Variants in ZGRF1 observed in about 807,000 individuals in gnomAD.
ZGRF1 encodes zinc finger GRF-type containing 1.
Under a neutral mutation model 203.5 loss-of-function variants are expected in ZGRF1, and 196 were observed. The ratio of observed to expected loss-of-function variants is 0.96; its 90% CI spans 0.86 to 1.08. ZGRF1 has a LOEUF of 1.08. ZGRF1 is among the 50% of genes least tolerant of loss of function. The pLI, the probability that ZGRF1 is intolerant of heterozygous loss-of-function variation, is 0.00. For missense variants in ZGRF1, 2,326 were observed against 2,416.3 expected (o/e 0.96, Z 0.78); for synonymous variants, 809 against 841.3 (o/e 0.96, Z 0.66).
intron 22 of ZGRF1, among the ~76,000 whole-genome samples, chr4:112,550,747 G>C (rs1044307602): frequency 6.6e-6 from 1 of 152,140 alleles, no homozygotes; most frequent in Non-Finnish European, 1.5e-5. Context: ...CAGCTACTCG[G>C]GAGGATGAGG....
Position 112,561,015 on chromosome 4 carries a change from TAAAC to T in ZGRF1, c.4698-24_4698-21del. The stretch of plus-strand genomic sequence containing the variant: ...GAAGACCTAATAAAAATGAAGCAAA[TAAAC>T]AATTTTAAAAAAAGGGGCATTTGAA... On this transcript the variant is annotated intron_variant, in intron 18 of 27. Transcript: ENST00000505019. The T allele has an allele frequency of 1.3e-6, 2 of 1,564,322 alleles. No homozygotes were observed. Among genetic ancestry groups the T allele is most frequent in the Non-Finnish European group, 1.8e-6 (2 of 1,141,564 alleles).
rs755082417 is a variant in ZGRF1, at chr4:112,581,650, CAGATCAACTTACTTTTGCTATAAGCTGA to C, written c.4423_4438+12del. On this transcript the variant is annotated splice_donor_variant and splice_donor_5th_base_variant and coding_sequence_variant and intron_variant, in exon 16 of 28. Transcript: ENST00000505019. LOFTEE classifies it high-confidence loss of function. ...GGCTAGACTGAATCGCCAGTATGATCAGATCAACTTACTTTTGCTATAAGCTGAAGATCTTTCCTTCCGACTTAGCTTA... is the reference window on the plus strand; with the variant it reads ...GGCTAGACTGAATCGCCAGTATGATCAGATCTTTCCTTCCGACTTAGCTTA... 3 of 1,564,930 alleles carry C rather than the reference CAGATCAACTTACTTTTGCTATAAGCTGA, an allele frequency of 1.9e-6. No individual in the cohort carries two copies. The highest frequency in any genetic ancestry group is 2.6e-6 in the Non-Finnish European group (3 of 1,161,394).
chr4:112,577,505 T>C (rs1311237301), intron 16 of ZGRF1, among the ~76,000 whole-genome samples: 3 of 121,846 alleles, frequency 2.5e-5, no homozygotes, highest in South Asian at 3.1e-4. Context: ...AGACTCAAGA[T>C]CCATCAGTGT....
At chr4:112,609,545 C>T (rs1303199407) in intron 7 of ZGRF1, 116 bp from the exon 8 acceptor site, 1 of 367,954 alleles carries the variant, frequency 2.7e-6, no homozygotes, top group Non-Finnish European at 5.2e-6. Context: ...GTGGCTCACA[C>T]CTGTAATCCC....
intron 10 of ZGRF1, among the ~76,000 whole-genome samples, chr4:112,597,875 C>A (rs578149354): frequency 6.8e-6 from 1 of 146,316 alleles, no homozygotes; most frequent in African/African-American, 2.5e-5. Context: ...CAGAGCCAGA[C>A]TGTCTCAAAA....
Position 112,540,888 on chromosome 4 carries a change from A to G in ZGRF1, c.5843T>C (p.Leu1948Pro). ...AGAGCCTGCTATTCCACTTGCAATC[A>G]GTGATTGAATCAGCTTGAGTGTAAA... is the stretch of plus-strand genomic sequence containing the variant. ...ATFTLKLIQS[L>P]IASGIAGSMI... Residue 1948 changes from leucine (L) to proline (P), a missense_variant, in exon 26 of 28, where the codon CTG becomes CCG. Physicochemically the swap from Leu to Pro is moderately conservative, Grantham distance 98 (BLOSUM62 -3). Coordinates refer to ENST00000505019, the MANE Select transcript of ZGRF1 (RefSeq NM_018392.5). 5 of 1,588,606 alleles carry G rather than the reference A, an allele frequency of 3.1e-6. No homozygotes were observed. Among genetic ancestry groups the G allele is most frequent in the African/African-American group, 1.3e-5 (1 of 74,682 alleles).
chr4:112,593,154 A>C (rs1748457983), intron 10 of ZGRF1, among the ~76,000 whole-genome samples: 1 of 152,202 alleles, frequency 6.6e-6, no homozygotes, highest in African/African-American at 2.4e-5. Context: ...TGGCAACCCT[A>C]GCAAACTAAT....
chr4:112,574,717 T>C (rs1744827105), intron 16 of ZGRF1, among the ~76,000 whole-genome samples: 1 of 152,136 alleles, frequency 6.6e-6, no homozygotes, highest in Admixed American at 6.6e-5. Context: ...TCCAACTTAG[T>C]GTACCTAAGG....
At chr4:112,613,609 G>GT (rs1354227410) in intron 6 of ZGRF1, among the ~76,000 whole-genome samples, 5 of 152,276 alleles carry the variant, frequency 3.3e-5, no homozygotes, top group Non-Finnish European at 5.9e-5. Flanking sequence ...CTCATGGGAA[G>GT]TAACATTTAA....
Position 112,540,043 on chromosome 4 carries a change from C to A in ZGRF1, c.5992G>T (p.Gly1998Ter). 6.2e-7 allele frequency: 1 copy of A among 1,609,466 alleles called. No homozygotes were observed. Among genetic ancestry groups the A allele is most frequent in the Non-Finnish European group, 8.5e-7 (1 of 1,177,178 alleles). ...VQVSTVDAFQ[G>*]AEKEIIILSC... ...AGAATAATGATCTCCTTTTCAGCTC[C>A]CTGAAAAGCATCTACTGTGGACACC... The change falls in exon 27 of 28, where the codon GGA becomes TGA. Residue 1998 changes from glycine to a stop codon, truncating the protein, a stop_gained. Transcript: ENST00000505019. LOFTEE classifies it high-confidence loss of function.
chr4:112,621,080 T>C (rs1174700986), intron 4 of ZGRF1, among the ~76,000 whole-genome samples: 4 of 152,064 alleles, frequency 2.6e-5, no homozygotes, highest in African/African-American at 2.4e-5. Context: ...TGGGGACCTA[T>C]ATAAGGCCCC....
At chr4:112,559,056 C>T (rs1056791720) in intron 19 of ZGRF1, among the ~76,000 whole-genome samples, 2 of 152,192 alleles carry the variant, frequency 1.3e-5, no homozygotes, top group African/African-American at 2.4e-5. Context: ...ATAACCTCTA[C>T]CAAATAGGCA....
chr4:112,590,797 GT>G (rs1736253500), intron 10 of ZGRF1, among the ~76,000 whole-genome samples: 1 of 151,788 alleles, frequency 6.6e-6, no homozygotes. Context: ...ATGGTGGCAT[GT>G]GCCTGTAATC....
At chr4:112,574,698 A>G (rs1346523777) in intron 16 of ZGRF1, among the ~76,000 whole-genome samples, 1 of 152,186 alleles carries the variant, frequency 6.6e-6, no homozygotes, top group South Asian at 2.1e-4. Flanking sequence ...AATCTCAAAT[A>G]ATGATTAATC....
At chr4:112,627,592 T>C (rs1047415259) in intron 3 of ZGRF1, among the ~76,000 whole-genome samples, 1 of 152,222 alleles carries the variant, frequency 6.6e-6, no homozygotes, top group Admixed American at 6.5e-5. Context: ...ATACAAAAAT[T>C]AGCCAAGTGT....
intron 22 of ZGRF1, among the ~76,000 whole-genome samples, chr4:112,550,411 CTG>C (rs1343290028): frequency 4.0e-5 from 6 of 151,862 alleles, no homozygotes; most frequent in South Asian, 2.1e-4. Flanking sequence ...GTGTTTTAAG[CTG>C]TGTTATTACA....
At chr4:112,612,248 G>T (rs1035585046) in intron 7 of ZGRF1, among the ~76,000 whole-genome samples, 2 of 152,214 alleles carry the variant, frequency 1.3e-5, no homozygotes, top group Non-Finnish European at 2.9e-5. Context: ...TTACAGGCGT[G>T]AGCCTCCACG....
intron 22 of ZGRF1, among the ~76,000 whole-genome samples, chr4:112,551,747 TAGAATG>T (rs1194805818): frequency 1.3e-5 from 2 of 152,194 alleles, no homozygotes; most frequent in Non-Finnish European, 2.9e-5. Flanking sequence ...AAAACAATCT[TAGAATG>T]AGAACTCTAA....
At chr4:112,636,527 C>T (rs1279918356) in intron 1 of ZGRF1, among the ~76,000 whole-genome samples, 1 of 152,178 alleles carries the variant, frequency 6.6e-6, no homozygotes, top group African/African-American at 2.4e-5. Flanking sequence ...AGGAAACCCA[C>T]ATCTCATTTG....
Sources: allele counts gnomAD v4.1 joint callset (sites outside exome capture counted in the v4.1 genomes callset), GRCh38; gene constraint gnomAD v4.1.1; transcripts MANE v1.5; gene names NCBI Gene and HGNC (gene_info 2026-07-23, HGNC 2026-07-21).